ACAN: variants seen among roughly 807,000 people sequenced by gnomAD.
ACAN encodes the protein aggrecan.
ACAN carries 47 observed loss-of-function variants against 169.1 expected under a neutral mutation model. That is an observed-to-expected ratio of 0.28 (90% CI 0.22 to 0.35). ACAN has a LOEUF of 0.35. Ranked by LOEUF, ACAN falls within the 10% of genes least tolerant of loss-of-function variation. The pLI, the probability that ACAN is intolerant of heterozygous loss-of-function variation, is 1.00. For synonymous variants in ACAN, 1,115 were observed against 1,112.2 expected (o/e 1.00, Z -0.05); for missense variants, 2,716 against 2,759.9 (o/e 0.98, Z 0.36).
intron 1 of ACAN, among the ~76,000 whole-genome samples, chr15:88,830,822 C>A (rs143059288): frequency 3.6e-4 from 55 of 152,254 alleles, no homozygotes; most frequent in Non-Finnish European, 7.4e-4. Flanking sequence ...TACACTTAGG[C>A]TACACTAAAT....
intron 1 of ACAN, among the ~76,000 whole-genome samples, chr15:88,813,565 C>T (rs1438493862): frequency 2.6e-5 from 4 of 152,158 alleles, no homozygotes; most frequent in African/African-American, 4.8e-5. Context: ...ACTCAAACAT[C>T]GTCAGGGAGG....
At position 88,857,694 on chromosome 15, in the gene ACAN, T is replaced by C; in HGVS notation, c.5109T>C (p.Ser1703=). The change falls in exon 12 of 19, where the codon AGT becomes AGC. Residue 1703 remains serine, a synonymous_variant. Coordinates refer to ENST00000560601, the MANE Select transcript of ACAN (RefSeq NM_001369268.1). The stretch of plus-strand genomic sequence containing the variant: ...TGCCCTCCAGTGAGCTGGACATTAG[T>C]GGGAGAGCTAGTGGACTCCCTTCAG... ...SGLPSSELDI[S]GRASGLPSGT... 6.2e-7 allele frequency: 1 copy of C among 1,613,976 alleles called. No homozygotes were observed. Among genetic ancestry groups the C allele is most frequent in the Non-Finnish European group, 8.5e-7 (1 of 1,179,884 alleles).
At chr15:88,823,866 A>G (rs1249468617) in intron 1 of ACAN, among the ~76,000 whole-genome samples, 2 of 152,108 alleles carry the variant, frequency 1.3e-5, no homozygotes, top group African/African-American at 2.4e-5. Context: ...TTTAGCAGAA[A>G]AGGAGTGAGA....
chr15:88,858,769 C>A lies in ACAN; in HGVS notation c.6184C>A (p.His2062Asn), dbSNP rs1897125258. The A allele has an allele frequency of 6.2e-7, 1 of 1,613,984 alleles. No homozygotes were observed. The highest frequency in any genetic ancestry group is 8.5e-7 in the Non-Finnish European group (1 of 1,179,894). Residue 2062 changes from histidine (H) to asparagine (N), a missense_variant, in exon 12 of 19, where the codon CAC (histidine) becomes AAC (asparagine). By Grantham distance (68) the His-to-Asn change is moderately conservative. This residue lies in a region of ACAN where 1,389 missense variants were observed against 1,363.7 expected (regional missense o/e 1.02). Transcript: ENST00000560601. This position sits in a 1 kb window ranked among gnomAD's most constrained non-coding sequence, Gnocchi z 4.0. ...ACTAGGCCAAAGGCCCCCTGTGACA[C>A]ACACACCCCAGCTTTTTGAGTCCAG... ...QELGQRPPVTHTPQLFESSGK... is the reference protein window; with the variant it reads ...QELGQRPPVTNTPQLFESSGK...
chr15:88,804,175 G>A (rs1292110468), intron 1 of ACAN, among the ~76,000 whole-genome samples: 1 of 152,202 alleles, frequency 6.6e-6, no homozygotes, highest in African/African-American at 2.4e-5. Flanking sequence ...GGGAATGTGG[G>A]TTCAAATCCC....
chr15:88,857,956 G>T lies in ACAN; in HGVS notation c.5371G>T (p.Gly1791Trp). 6.2e-7 allele frequency: 1 copy of T among 1,613,814 alleles called. No homozygotes were observed. Among genetic ancestry groups the T allele is most frequent in the Non-Finnish European group, 8.5e-7 (1 of 1,179,880 alleles). The change falls in exon 12 of 19, where the codon GGG (glycine) becomes TGG (tryptophan). Residue 1791 changes from glycine to tryptophan, a missense_variant. Gly to Trp is a radical substitution (Grantham distance 184). Transcript: ENST00000560601. ...AACTGATCTGAGTGGAGAAACATCTGGGGTCCCTGATCTCAGTGGGCAGCC... is the reference window on the plus strand; with the variant it reads ...AACTGATCTGAGTGGAGAAACATCTTGGGTCCCTGATCTCAGTGGGCAGCC... ...GITDLSGETSGVPDLSGQPSG... is the reference protein window; with the variant it reads ...GITDLSGETSWVPDLSGQPSG...
chr15:88,805,538 C>T (rs1473601647), intron 1 of ACAN, among the ~76,000 whole-genome samples: 1 of 152,082 alleles, frequency 6.6e-6, no homozygotes, highest in East Asian at 1.9e-4. Context: ...TAGTGCTGTG[C>T]CTGGTATTTT....
chr15:88,857,243 A>G lies in ACAN; in HGVS notation c.4658A>G (p.Glu1553Gly). The G allele has an allele frequency of 1.9e-6, 3 of 1,613,240 alleles. No homozygotes were observed. The highest frequency in any genetic ancestry group is 2.5e-6 in the Non-Finnish European group (3 of 1,179,736). ...GDLSGLPSGG[E>G]GLETSASEVG... ...CTCAGTGGACTTCCTTCTGGAGGAGAAGGTCTAGAGACCTCTGCTTCTGAA... is the reference window on the plus strand; with the variant it reads ...CTCAGTGGACTTCCTTCTGGAGGAGGAGGTCTAGAGACCTCTGCTTCTGAA... The change falls in exon 12 of 19, where the codon GAA becomes GGA. Residue 1553 changes from glutamate (E) to glycine (G), a missense_variant. This residue lies in a region of ACAN where 1,389 missense variants were observed against 1,363.7 expected (regional missense o/e 1.02). Transcript: ENST00000560601.
At chr15:88,815,627 T>G in intron 1 of ACAN, among the ~76,000 whole-genome samples, 1 of 92,234 alleles carries the variant, frequency 1.1e-5, no homozygotes, top group South Asian at 3.4e-4. Flanking sequence ...TCAAGAACAA[T>G]TTCAAGACAT....
Position 88,873,693 on chromosome 15 carries a change from G to A in ACAN, c.7448-149G>A. The stretch of plus-strand genomic sequence containing the variant: ...AGGAACCCAGATGTTACAGCCAGCG[G>A]CTTCCAGATTCTTAGCGCTGCATGA... On this transcript the variant is annotated intron_variant, in intron 17 of 18. Transcript: ENST00000560601. This position sits in a 1 kb window ranked among gnomAD's most constrained non-coding sequence, Gnocchi z 7.5. 1.3e-6 allele frequency: 1 copy of A among 771,212 alleles called. No homozygotes were observed. The allele number at this position is 771,212 out of a possible 1,614,324, so 47.8% of individuals were successfully genotyped here.
At chr15:88,826,761 G>A (rs1896234360) in intron 1 of ACAN, among the ~76,000 whole-genome samples, 2 of 152,256 alleles carry the variant, frequency 1.3e-5, no homozygotes, top group South Asian at 4.2e-4. Context: ...GAAATTCCAT[G>A]AGAACATTCC....
At position 88,807,600 on chromosome 15, in the gene ACAN, G is replaced by A. The variant is rs1054807571; in HGVS notation, c.-8+3791G>A. 5.3e-5 allele frequency among the ~76,000 whole-genome samples: 8 copies of A among 152,190 alleles called. No homozygotes were observed. The highest frequency in any genetic ancestry group is 1.2e-4 in the African/African-American group (5 of 41,436). On this transcript the variant is annotated intron_variant, in intron 1 of 18. Coordinates refer to ENST00000560601, the MANE Select transcript of ACAN (RefSeq NM_001369268.1). This position sits in a 1 kb window ranked among gnomAD's most constrained non-coding sequence, Gnocchi z 4.0. ...ACAAGGGGAGGGCTGGAGAAGGAGC[G>A]GGAGTGCAGGCGAGAGGAGGACCAG... is the stretch of plus-strand genomic sequence containing the variant.
intron 12 of ACAN, among the ~76,000 whole-genome samples, chr15:88,859,816 T>C (rs1172320601): frequency 1.3e-5 from 2 of 152,236 alleles, no homozygotes; most frequent in Non-Finnish European, 1.5e-5. Context: ...ATTCTGCTCA[T>C]GCACCCTGCC....
At chr15:88,846,698 G>C (rs1251347628) in intron 7 of ACAN, among the ~76,000 whole-genome samples, 1 of 152,228 alleles carries the variant, frequency 6.6e-6, no homozygotes, top group African/African-American at 2.4e-5. Context: ...CATTGACGTT[G>C]TATCAGGTTT....
intron 1 of ACAN, among the ~76,000 whole-genome samples, chr15:88,824,503 A>T (rs1896160219): frequency 6.6e-6 from 1 of 151,942 alleles, no homozygotes; most frequent in Non-Finnish European, 1.5e-5. Context: ...AACCAAAAAA[A>T]CTCCCTGCCC....
At chr15:88,829,405 T>A (rs1036790262) in intron 1 of ACAN, among the ~76,000 whole-genome samples, 2 of 152,178 alleles carry the variant, frequency 1.3e-5, no homozygotes, top group African/African-American at 4.8e-5. Context: ...TTCCCGTTTC[T>A]ATACCATCCC....
At chr15:88,812,337 C>T (rs1381487592) in intron 1 of ACAN, among the ~76,000 whole-genome samples, 1 of 152,120 alleles carries the variant, frequency 6.6e-6, no homozygotes. Context: ...CAGAATGACT[C>T]GCCCTTGGAT....
At position 88,839,477 on chromosome 15, in the gene ACAN, A is replaced by G. The variant is rs1371012931; in HGVS notation, c.454+431A>G. On this transcript the variant is annotated intron_variant, in intron 3 of 18. Coordinates refer to ENST00000560601, the MANE Select transcript of ACAN (RefSeq NM_001369268.1). The surrounding 1 kb of genome is among the most constrained non-coding windows in gnomAD (Gnocchi z 4.5). ...CCAGAAGCCAAAGCAAGGGCTGAAG[A>G]CTCCCTGGTCTCTTTCTCTCCATGG... is the stretch of plus-strand genomic sequence containing the variant. Among the ~76,000 whole-genome samples, 1 of 151,908 alleles carries G rather than the reference A, an allele frequency of 6.6e-6. No individual in the cohort carries two copies. The highest frequency in any genetic ancestry group is 2.4e-5 in the African/African-American group (1 of 41,338).
intron 13 of ACAN, among the ~76,000 whole-genome samples, chr15:88,860,700 G>A (rs1484086811): frequency 6.6e-6 from 1 of 152,212 alleles, no homozygotes; most frequent in Non-Finnish European, 1.5e-5. Flanking sequence ...TATTGTAGGA[G>A]TAGAATGAAA....
Sources: allele counts gnomAD v4.1 joint callset (sites outside exome capture counted in the v4.1 genomes callset), GRCh38; gene constraint gnomAD v4.1.1; regional missense constraint gnomAD v4.1.1; non-coding constraint Gnocchi (gnomAD v3.1); transcripts MANE v1.5; gene names NCBI Gene and HGNC (gene_info 2026-07-23, HGNC 2026-07-21).